The following ARAP2 variants were observed in gnomAD, a reference collection of about 807,000 sequenced individuals.
The protein encoded by ARAP2 is ArfGAP with RhoGAP domain, ankyrin repeat and PH domain 2, also known as arf-GAP with Rho-GAP domain, ANK repeat and PH domain-containing protein 2.
ARAP2 carries 148 observed loss-of-function variants against 194.5 expected under a neutral mutation model. The ratio of observed to expected loss-of-function variants is 0.76; its 90% CI spans 0.67 to 0.87. ARAP2 has a LOEUF of 0.87. ARAP2 is among the 40% of genes least tolerant of loss of function. ARAP2 has a pLI of 0.00. For missense variants in ARAP2, 2,128 were observed against 1,989.7 expected, an observed-to-expected ratio of 1.07 and a Z score of -1.32; for synonymous variants, 695 against 683.5, an observed-to-expected ratio of 1.02 and a Z score of -0.26.
intron 28 of ARAP2, among the ~76,000 whole-genome samples, chr4:36,087,825 G>T (rs891019579): frequency 6.6e-6 from 1 of 151,984 alleles, no homozygotes; most frequent in Non-Finnish European, 1.5e-5. Context: ...AATTTCCTTT[G>T]TAAGTTTCTG....
intron 26 of ARAP2, among the ~76,000 whole-genome samples, chr4:36,111,708 G>A (rs1381903575): frequency 6.6e-6 from 1 of 151,696 alleles, no homozygotes; most frequent in Non-Finnish European, 1.5e-5. Flanking sequence ...TCATTCTGAG[G>A]GTAAACATCC....
At chr4:36,033,882 C>T (rs1054624908) in intron 5 of ARAP2, among the ~76,000 whole-genome samples, 5 of 152,222 alleles carry the variant, frequency 3.3e-5, no homozygotes, top group Admixed American at 3.3e-4. Flanking sequence ...CCATTTTTCT[C>T]AGCACCATTT....
In ARAP2 at chr4:36,177,871, T is replaced by C; in HGVS notation, c.1813A>G (p.Thr605Ala). The C allele has an allele frequency of 6.2e-7, 1 of 1,613,272 alleles. No homozygotes were observed. Among genetic ancestry groups the C allele is most frequent in the Non-Finnish European group, 8.5e-7 (1 of 1,179,564 alleles). Residue 605 changes from threonine (T) to alanine (A), a missense_variant, in exon 9 of 33, where the codon ACT becomes GCT. Physicochemically the swap from Thr to Ala is moderately conservative, Grantham distance 58. Coordinates refer to ENST00000303965, the MANE Select transcript of ARAP2 (RefSeq NM_015230.4). The part of the protein sequence containing the change: ...ELRGYKAKIF[T>A]VLSGNSVWLC... The stretch of plus-strand genomic sequence containing the variant: ...CACACACTGTTTCCACTTAACACAG[T>C]AAAAATTTTTGCCTTATAGCCTCTC...
chr4:36,210,250 A>G (rs1361614958), intron 6 of ARAP2, 140 bp downstream of exon 6: 2 of 704,162 alleles, frequency 2.8e-6, no homozygotes, highest in Non-Finnish European at 2.3e-6. Context: ...AAGTGTGCTG[A>G]AAGTCCCTAA....
At chr4:36,163,248 A>T (rs1447541189) in intron 11 of ARAP2, among the ~76,000 whole-genome samples, 1 of 152,164 alleles carries the variant, frequency 6.6e-6, no homozygotes, top group Non-Finnish European at 1.5e-5. Flanking sequence ...ACATGGGAAA[A>T]AAAATACTGG....
At chr4:36,213,386 A>G (rs1747197317) in intron 3 of ARAP2, 67 bp from the exon 4 acceptor site, 2 of 1,231,544 alleles carry the variant, frequency 1.6e-6, no homozygotes, top group African/African-American at 3.0e-5. Flanking sequence ...TTTTAAAAAA[A>G]GATTAAAAGC....
At chr4:36,220,726 T>A (rs1748956919) in intron 2 of ARAP2, among the ~76,000 whole-genome samples, 1 of 152,082 alleles carries the variant, frequency 6.6e-6, no homozygotes, top group East Asian at 1.9e-4. Flanking sequence ...TATACCTTTT[T>A]AAAAATTAAT....
intron 26 of ARAP2, among the ~76,000 whole-genome samples, chr4:36,113,497 A>G (rs1461424850): frequency 6.6e-6 from 1 of 151,914 alleles, no homozygotes; most frequent in Non-Finnish European, 1.5e-5. Context: ...GGGTGGCAAG[A>G]TTTTCCTTTT....
intron 19 of ARAP2, among the ~76,000 whole-genome samples, chr4:36,138,824 TTTACAATCC>T (rs1279742586): frequency 2.0e-5 from 3 of 151,850 alleles, no homozygotes; most frequent in Admixed American, 6.6e-5. Flanking sequence ...AATGTACTAT[TTTACAATCC>T]CACCATACTT....
intron 25 of ARAP2, 41 bp downstream of exon 25, chr4:36,117,020 G>A (rs751653720): frequency 1.5e-6 from 2 of 1,325,264 alleles, no homozygotes; most frequent in East Asian, 5.2e-5. Context: ...TAACATTTGT[G>A]ACTTCCAACA....
chr4:36,061,075 A>T (rs1319126514), downstream of ARAP2, among the ~76,000 whole-genome samples: 12 of 152,096 alleles, frequency 7.9e-5, no homozygotes, highest in South Asian at 2.1e-4. Flanking sequence ...TTAAAAAAAA[A>T]TTTAATTTTT....
intron 2 of ARAP2, among the ~76,000 whole-genome samples, chr4:36,216,111 C>T (rs1464155557): frequency 6.6e-6 from 1 of 150,530 alleles, no homozygotes; most frequent in Non-Finnish European, 1.5e-5. Flanking sequence ...CGAAAATTAG[C>T]TGGGTGTGGT....
chr4:36,232,112 G>A (rs1751591536), intron 1 of ARAP2, among the ~76,000 whole-genome samples: 1 of 152,202 alleles, frequency 6.6e-6, no homozygotes, highest in African/African-American at 2.4e-5. Flanking sequence ...AATGGATCTT[G>A]GACTTCTCAA....
At chr4:36,055,219 C>T (rs192806193) in intron 2 of ARAP2, among the ~76,000 whole-genome samples, 1 of 152,268 alleles carries the variant, frequency 6.6e-6, no homozygotes, top group Admixed American at 6.5e-5. Flanking sequence ...CACTAAGGCC[C>T]TGATAGGAAA....
intron 3 of ARAP2, chr4:36,047,234 A>G (rs1055426430): frequency 5.3e-5 from 8 of 152,298 alleles, no homozygotes; most frequent in Non-Finnish European, 7.3e-5. Context: ...CACTCCAAAC[A>G]AAAACAGCTT....
At chr4:36,055,182 C>T (rs901520237) in intron 2 of ARAP2, among the ~76,000 whole-genome samples, 1 of 152,168 alleles carries the variant, frequency 6.6e-6, no homozygotes, top group African/African-American at 2.4e-5. Context: ...GGTACAACAT[C>T]TGTCACTGAA....
chr4:36,131,229 T>C (rs2109602406), intron 20 of ARAP2, among the ~76,000 whole-genome samples: 1 of 151,610 alleles, frequency 6.6e-6, no homozygotes, highest in Admixed American at 6.6e-5. Flanking sequence ...AATATAAATA[T>C]ATATATGATA....
intron 6 of ARAP2, among the ~76,000 whole-genome samples, chr4:36,208,864 C>G (rs1046663607): frequency 6.6e-6 from 1 of 151,902 alleles, no homozygotes; most frequent in African/African-American, 2.4e-5. Flanking sequence ...ACAGAAAATG[C>G]AATTATTTCC....
intron 6 of ARAP2, among the ~76,000 whole-genome samples, chr4:36,210,038 GAGTAATACTAACTC>G (rs1746391542): frequency 6.6e-6 from 1 of 152,176 alleles, no homozygotes; most frequent in South Asian, 2.1e-4. Flanking sequence ...AGTGTGGGCT[GAGTAATACTAACTC>G]AGTCTGTCTT....
Sources: gnomAD v4.1 joint callset for allele counts (sites outside exome capture counted in the v4.1 genomes callset) on GRCh38, gnomAD v4.1.1 for gene constraint, MANE v1.5 for transcripts, NCBI Gene and HGNC (gene_info 2026-07-23, HGNC 2026-07-21) for gene names.